Variants in PCDHA5 observed in about 807,000 individuals in gnomAD.
PCDHA5 encodes protocadherin alpha-5.
PCDHA5 carries 43 observed loss-of-function variants against 61.6 expected under a neutral mutation model. The observed-to-expected ratio is 0.70, with a 90% CI of 0.55 to 0.90. The LOEUF is 0.90. Among genes scored for constraint, PCDHA5 ranks in the 40% least tolerant of loss-of-function variants. The pLI, the probability that PCDHA5 is intolerant of heterozygous loss-of-function variation, is 0.00. For synonymous variants in PCDHA5, 627 were observed against 543.9 expected (o/e 1.15, Z -2.13); for missense variants, 1,298 against 1,222.7 (o/e 1.06, Z -0.92).
At chr5:140,941,191 T>TTTCTTTCTTTC (rs1487503403) in intron 1 of PCDHA5, among the ~76,000 whole-genome samples, 64 of 93,246 alleles carry the variant, frequency 6.9e-4, no homozygotes, top group South Asian at 4.2e-3. Context: ...GCTTCTTTTT[T>TTTCTTTCTTTC]TTTCTTTCTT....
In PCDHA5 at chr5:140,850,012, G is replaced by A. The variant is rs1415063137; in HGVS notation, c.2352+25885G>A. On this transcript the variant is annotated intron_variant, in intron 1 of 3. Transcript: ENST00000529859. ...CGGTTGGGCGAGCGCTCGCTGTCGAGCTACGTGTCAGTGCACGCGGAGAGC... is the reference window on the plus strand; with the variant it reads ...CGGTTGGGCGAGCGCTCGCTGTCGAACTACGTGTCAGTGCACGCGGAGAGC... 5 of 1,596,912 alleles carry A rather than the reference G, an allele frequency of 3.1e-6. 1 individual carries two copies. In the African/African-American group the frequency reaches 5.4e-5, roughly 17 times the overall value.
In PCDHA5 at chr5:140,974,947, C is replaced by T. The variant is rs145175873; in HGVS notation, c.2353-4002C>T. On this transcript the variant is annotated intron_variant, in intron 1 of 3. Coordinates refer to ENST00000529859, the MANE Select transcript of PCDHA5 (RefSeq NM_018908.3). ...GTTTAAAACACCACCTATTTGTTAT[C>T]TCACAGTCCTGTACCATGTGGCTGA... is the stretch of plus-strand genomic sequence containing the variant. 2.7e-3 allele frequency among the ~76,000 whole-genome samples: 417 copies of T among 152,322 alleles called. 3 individuals carry two copies. The highest frequency in any genetic ancestry group is 2.1e-3 in the Non-Finnish European group (142 of 68,022).
At chr5:140,829,966 G>T (rs2150178804) in intron 1 of PCDHA5, 1 of 1,614,002 alleles carries the variant, frequency 6.2e-7, no homozygotes, top group Non-Finnish European at 8.5e-7. Context: ...TTCGCGTGGG[G>T]CTGTACACGG....
In PCDHA5 at chr5:140,821,832, C is replaced by G. The variant is rs1364936196; in HGVS notation, c.57C>G (p.Leu19=). 1 of 1,614,038 alleles carries G rather than the reference C, an allele frequency of 6.2e-7. No homozygotes were observed. The highest frequency in any genetic ancestry group is 8.5e-7 in the Non-Finnish European group (1 of 1,180,010). ...LGSRLLLLWL[L]LAYWKAGSGQ... Reference sequence around the variant, plus strand: ...CCCGGCTCCTGCTGCTCTGGCTTCTCCTTGCCTACTGGAAGGCAGGGAGCG... The same window carrying G: ...CCCGGCTCCTGCTGCTCTGGCTTCTGCTTGCCTACTGGAAGGCAGGGAGCG... The change falls in exon 1 of 4, where the codon CTC becomes CTG. Residue 19 remains leucine, a synonymous_variant. Coordinates refer to ENST00000529859, the MANE Select transcript of PCDHA5 (RefSeq NM_018908.3).
At chr5:140,910,925 TA>T (rs2075234137) in intron 1 of PCDHA5, among the ~76,000 whole-genome samples, 2 of 152,226 alleles carry the variant, frequency 1.3e-5, no homozygotes, top group South Asian at 4.2e-4. Flanking sequence ...CTTATATAAA[TA>T]AGAAAGCTCA....
Position 140,856,989 on chromosome 5 carries a change from C to T in PCDHA5, c.2352+32862C>T. 3.1e-6 allele frequency: 5 copies of T among 1,595,206 alleles called. 1 individual carries two copies. The highest frequency in any genetic ancestry group is 1.1e-5 in the South Asian group (1 of 90,500). ...GCTATTGACTTTGAGGACAGTAACA[C>T]TTATGAAATTCATGTAGATGTTACA... is the stretch of plus-strand genomic sequence containing the variant. On this transcript the variant is annotated intron_variant, in intron 1 of 3. Transcript: ENST00000529859.
intron 3 of PCDHA5, among the ~76,000 whole-genome samples, chr5:141,000,634 G>A (rs1554257716): frequency 6.6e-6 from 1 of 150,928 alleles, no homozygotes; most frequent in Non-Finnish European, 1.5e-5. Context: ...CACCATGTTG[G>A]GCAGGCTGGT....
intron 1 of PCDHA5, chr5:140,966,750 C>T: frequency 7.0e-7 from 1 of 1,428,438 alleles, no homozygotes; most frequent in African/African-American, 1.5e-5. Context: ...CGGCTGCCTC[C>T]GCCGCGGCCA....
chr5:141,002,173 C>T (rs1442739241), intron 3 of PCDHA5, among the ~76,000 whole-genome samples: 2 of 152,192 alleles, frequency 1.3e-5, no homozygotes, highest in Non-Finnish European at 2.9e-5. Flanking sequence ...TAGGCAGGCT[C>T]CAGAGTGCTG....
In PCDHA5 at chr5:140,876,987, G is replaced by C. The variant is rs782251799; in HGVS notation, c.2352+52860G>C. 11 of 1,612,658 alleles carry C rather than the reference G, an allele frequency of 6.8e-6. No homozygotes were observed. The South Asian group carries it at 9.9e-5, about 14-fold the overall frequency. ...GGCGGGTGGGCGAGCACGCACTGTC[G>C]AGCTACGTGTCGGTGCACGCGGAGA... On this transcript the variant is annotated intron_variant, in intron 1 of 3. Coordinates refer to ENST00000529859, the MANE Select transcript of PCDHA5 (RefSeq NM_018908.3).
At chr5:140,942,541 G>T (rs1241528363) in intron 1 of PCDHA5, among the ~76,000 whole-genome samples, 1 of 152,056 alleles carries the variant, frequency 6.6e-6, no homozygotes, top group Non-Finnish European at 1.5e-5. Context: ...CAGTATGGTG[G>T]GGGGTAGGGG....
chr5:140,957,954 T>G (rs2095401085), intron 1 of PCDHA5, among the ~76,000 whole-genome samples: 2 of 152,138 alleles, frequency 1.3e-5, no homozygotes, highest in Admixed American at 1.3e-4. Context: ...TTAAGACTAT[T>G]AATTCAGAGA....
intron 1 of PCDHA5, chr5:140,827,950 A>T: frequency 7.9e-7 from 1 of 1,270,912 alleles, no homozygotes; most frequent in Non-Finnish European, 1.1e-6. Context: ...CCAACATTCA[A>T]ATTTCTTCTA....
intron 1 of PCDHA5, among the ~76,000 whole-genome samples, chr5:140,923,708 T>C (rs1554201570): frequency 1.3e-5 from 2 of 152,216 alleles, no homozygotes; most frequent in Non-Finnish European, 2.9e-5. Context: ...CCAATTTACT[T>C]GAATAAGAAT....
chr5:140,859,991 A>G (rs1486965129), intron 1 of PCDHA5: 1 of 152,000 alleles, frequency 6.6e-6, no homozygotes, highest in Admixed American at 6.6e-5. Context: ...TAATCTCTCC[A>G]TCAATACTAA....
intron 1 of PCDHA5, among the ~76,000 whole-genome samples, chr5:140,833,733 C>T (rs1772600974): frequency 1.4e-5 from 2 of 144,312 alleles, no homozygotes; most frequent in Admixed American, 1.4e-4. Context: ...GCTAATGTTT[C>T]TTGCCTCCTA....
chr5:140,851,140 G>C, intron 1 of PCDHA5: 1 of 1,310,362 alleles, frequency 7.6e-7, no homozygotes, highest in Non-Finnish European at 9.9e-7. Flanking sequence ...TGATTAAAGT[G>C]ACATTGAATT....
At chr5:140,985,712 A>G (rs1319708410) in intron 3 of PCDHA5, among the ~76,000 whole-genome samples, 2 of 148,826 alleles carry the variant, frequency 1.3e-5, no homozygotes, top group Non-Finnish European at 3.0e-5. Context: ...TGTTTCTTAA[A>G]GTTATTTTTC....
At chr5:140,855,799 A>C (rs1356663466) in intron 1 of PCDHA5, 4 of 472,784 alleles carry the variant, frequency 8.5e-6, no homozygotes, top group Non-Finnish European at 1.5e-5. Context: ...TTAACATATG[A>C]ATGAAAGAAA....
Sources: allele counts gnomAD v4.1 joint callset (sites outside exome capture counted in the v4.1 genomes callset), GRCh38; gene constraint gnomAD v4.1.1; transcripts MANE v1.5; gene names NCBI Gene and HGNC (gene_info 2026-07-23, HGNC 2026-07-21).